Variants in ELK4 observed in about 807,000 individuals in gnomAD.
ELK4 encodes the protein ETS transcription factor ELK4.
In ELK4, 16 loss-of-function variants were observed where a neutral mutation model predicts 29.6. The ratio of observed to expected loss-of-function variants is 0.54; its 90% CI spans 0.37 to 0.82. ELK4 has a LOEUF of 0.82. ELK4 is among the 40% of genes least tolerant of loss of function. The pLI, the probability that ELK4 is intolerant of heterozygous loss-of-function variation, is 0.00. For synonymous variants in ELK4, 213 were observed against 191.1 expected, an observed-to-expected ratio of 1.11 and a Z score of -0.95; for missense variants, 465 against 507.1, an observed-to-expected ratio of 0.92 and a Z score of 0.80.
chr1:205,621,086 T>G (rs970892344), intron 2 of ELK4, among the ~76,000 whole-genome samples: 4 of 149,214 alleles, frequency 2.7e-5, no homozygotes, highest in Admixed American at 6.8e-5. Flanking sequence ...TCCCAGCTAC[T>G]CAGGAGGCCG....
rs180993423 is a variant in ELK4 at position 205,614,662 on chromosome 1, A to G, written c.*1884T>C. ...CTACTACTACTAAGTTAGCTAGCAT[A>G]GATGTCTTCTTATACAAGAGCTTCT... On this transcript the variant is annotated 3_prime_UTR_variant, in exon 5 of 5. Transcript: ENST00000357992. The G allele has an allele frequency of 4.4e-6, 1 of 225,620 alleles. No individual in the cohort carries two copies. The highest frequency in any genetic ancestry group is 2.2e-5 in the African/African-American group (1 of 45,064). The allele number at this position is 225,620 out of a possible 1,614,324, so 14.0% of individuals were successfully genotyped here.
In ELK4 at chr1:205,616,557, G is replaced by A. The variant is rs1670234678; in HGVS notation, c.1285C>T (p.Gln429Ter). The change falls in exon 5 of 5, where the codon CAG becomes TAG. Residue 429 changes from glutamine (Q) to a stop codon, truncating the protein, a stop_gained. Transcript: ENST00000357992. LOFTEE classifies it high-confidence loss of function. The part of the protein sequence containing the change: ...STPGPFSPDL[Q>*]KT ...CACAAGTGCATAGGTTATGTCTTCT[G>A]TAGGTCTGGGGAAAATGGGCCAGGG... 1.2e-6 allele frequency: 2 copies of A among 1,614,060 alleles called. No homozygotes were observed. Among genetic ancestry groups the A allele is most frequent in the African/African-American group, 1.3e-5 (1 of 75,046 alleles).
intron 1 of ELK4, among the ~76,000 whole-genome samples, chr1:205,627,737 C>A (rs937385513): frequency 1.3e-5 from 2 of 152,160 alleles, no homozygotes; most frequent in African/African-American, 2.4e-5. Flanking sequence ...GTCAACTATA[C>A]CTACTTCCAA....
At chr1:205,619,863 A>C (rs1336916081) in intron 3 of ELK4, 103 bp downstream of exon 3, 10 of 1,613,100 alleles carry the variant, frequency 6.2e-6, no homozygotes, top group Non-Finnish European at 8.5e-6. Context: ...TCTAAGACAA[A>C]CCTAAGTAAC....
At chr1:205,623,397 C>T (rs1670391323) in intron 2 of ELK4, among the ~76,000 whole-genome samples, 1 of 151,284 alleles carries the variant, frequency 6.6e-6, no homozygotes, top group African/African-American at 2.4e-5. Flanking sequence ...ACAACCTCCG[C>T]CTCCCGGGTT....
At chr1:205,619,821 G>A (rs1410450481) in intron 3 of ELK4, 145 bp downstream of exon 3, 1 of 1,565,486 alleles carries the variant, frequency 6.4e-7, no homozygotes, top group East Asian at 2.3e-5. Flanking sequence ...GAGAAATGGG[G>A]TAACTTTCAC....
rs922530933 is a variant in ELK4, at chr1:205,624,755, C to T, written c.-9-864G>A. On this transcript the variant is annotated intron_variant, in intron 1 of 4. Coordinates refer to ENST00000357992, the MANE Select transcript of ELK4 (RefSeq NM_001973.4). ...CAGTTTGTCTAACAGCATACCCGGC[C>T]TCTACCCACTAGATGCCAGTAGCAC... is the stretch of plus-strand genomic sequence containing the variant. Among the ~76,000 whole-genome samples the T allele has an allele frequency of 7.9e-5, 12 of 152,262 alleles. No homozygotes were observed. In the South Asian group the frequency reaches 2.5e-3, roughly 32 times the overall value.
rs1307437078 is a variant in ELK4, at chr1:205,612,685, AG to A, written c.*3860del. On this transcript the variant is annotated 3_prime_UTR_variant, in exon 5 of 5. Transcript: ENST00000357992. The stretch of plus-strand genomic sequence containing the variant: ...CCTTTAAGAACTTAAGAATCATAGT[AG>A]AAAGTCAGATCAGGATGAAACAATG... 4.8e-6 allele frequency: 1 copy of A among 208,930 alleles called. No homozygotes were observed. Among genetic ancestry groups the A allele is most frequent in the Admixed American group, 5.9e-5 (1 of 16,948 alleles). The allele number at this position is 208,930 out of a possible 1,614,324, so 12.9% of individuals were successfully genotyped here.
chr1:205,618,097 C>T (rs1253888048), intron 4 of ELK4, among the ~76,000 whole-genome samples: 2 of 152,028 alleles, frequency 1.3e-5, no homozygotes, highest in African/African-American at 4.8e-5. Context: ...GCCATTATAG[C>T]TCACTGCAGC....
At position 205,608,668 on chromosome 1, in the gene ELK4, T is replaced by C. The variant is rs1670107524; in HGVS notation, c.*7878A>G. On this transcript the variant is annotated 3_prime_UTR_variant, in exon 5 of 5. Transcript: ENST00000357992. Reference sequence around the variant, plus strand: ...CTAAGACGAGCTATTATTAACACTTTAACAGTTATCCATTCCTCTGGGTAG... The same window carrying C: ...CTAAGACGAGCTATTATTAACACTTCAACAGTTATCCATTCCTCTGGGTAG... 5.1e-6 allele frequency: 1 copy of C among 196,512 alleles called. No individual in the cohort carries two copies. Among genetic ancestry groups the C allele is most frequent in the Admixed American group, 6.1e-5 (1 of 16,466 alleles). 12.2% of individuals were successfully genotyped at this position (196,512 alleles called of 1,614,324 possible).
At chr1:205,627,555 T>C (rs1443910228) in intron 1 of ELK4, among the ~76,000 whole-genome samples, 5 of 152,024 alleles carry the variant, frequency 3.3e-5, no homozygotes, top group South Asian at 4.2e-4. Flanking sequence ...ATTGTGTTCA[T>C]GCTTGCACAA....
Position 205,620,163 on chromosome 1 carries a change from T to C in ELK4, c.883A>G (p.Asn295Asp). 6.2e-7 allele frequency: 1 copy of C among 1,614,222 alleles called. No homozygotes were observed. The highest frequency in any genetic ancestry group is 8.5e-7 in the Non-Finnish European group (1 of 1,180,046). Residue 295 changes from asparagine (N) to aspartate (D), a missense_variant, in exon 3 of 5, where the codon AAT becomes GAT. Physicochemically the swap from Asn to Asp is conservative, Grantham distance 23. Coordinates refer to ENST00000357992, the MANE Select transcript of ELK4 (RefSeq NM_001973.4). ...TGGTCTTTAGGCTCCAGTGACAAAT[T>C]CTCTGGAAGTTCCATTGGCTGAGAA... Reference protein sequence around the residue: ...VASQPMELPENLSLEPKDQDS... With the variant: ...VASQPMELPEDLSLEPKDQDS...
rs974824582 is a variant in ELK4 at position 205,631,868 on chromosome 1, A to AGCGGCG, written c.-252_-247dup. Reference sequence around the variant, plus strand: ...CGCCCTCCCCGCCCCCGCACGCGGCAGCGGCGGCGCGGGTCTTGGGGCCGC... The same window carrying AGCGGCG: ...CGCCCTCCCCGCCCCCGCACGCGGCAGCGGCGGCGGCGGCGCGGGTCTTGGGGCCGC... On this transcript the variant is annotated 5_prime_UTR_variant, in exon 1 of 5. Coordinates refer to ENST00000357992, the MANE Select transcript of ELK4 (RefSeq NM_001973.4). 6.8e-6 allele frequency: 1 copy of AGCGGCG among 148,048 alleles called. No homozygotes were observed. The highest frequency in any genetic ancestry group is 2.4e-5 in the African/African-American group (1 of 40,858). The allele number at this position is 148,048 out of a possible 1,614,324, so 9.2% of individuals were successfully genotyped here.
intron 2 of ELK4, 113 bp from the exon 3 acceptor site, chr1:205,620,951 C>T (rs138441928): frequency 0.037 from 45,173 of 1,208,640 alleles, 1,074 homozygotes; most frequent in Non-Finnish European, 0.042. Context: ...AATCCCAGCA[C>T]TTTGGAAGGC....
At chr1:205,631,153 A>C (rs1441457308) in intron 1 of ELK4, among the ~76,000 whole-genome samples, 2 of 152,106 alleles carry the variant, frequency 1.3e-5, no homozygotes, top group South Asian at 4.2e-4. Flanking sequence ...CGCTGGAGCG[A>C]AAGAGAAAAA....
At chr1:205,630,281 C>A (rs888130749) in intron 1 of ELK4, among the ~76,000 whole-genome samples, 2 of 152,124 alleles carry the variant, frequency 1.3e-5, no homozygotes, top group African/African-American at 4.8e-5. Context: ...TTTAACACTT[C>A]AAAGATAGAC....
intron 3 of ELK4, chr1:205,619,505 TCTA>T: frequency 9.2e-7 from 1 of 1,088,420 alleles, no homozygotes; most frequent in Non-Finnish European, 1.1e-6. Context: ...GTGTGAAAAA[TCTA>T]CTAAAATGTT....
At chr1:205,618,599 G>A (rs781408989) in intron 4 of ELK4, among the ~76,000 whole-genome samples, 103 of 152,194 alleles carry the variant, frequency 6.8e-4, no homozygotes, top group Non-Finnish European at 1.3e-3. Flanking sequence ...CAAGGTGGGC[G>A]GATCACCTGA....
At chr1:205,629,870 T>C (rs911360313) in intron 1 of ELK4, among the ~76,000 whole-genome samples, 4 of 152,080 alleles carry the variant, frequency 2.6e-5, no homozygotes, top group Admixed American at 6.6e-5. Flanking sequence ...CTAGGCAACA[T>C]GTTGAAACCC....
Sources: allele counts gnomAD v4.1 joint callset (sites outside exome capture counted in the v4.1 genomes callset), GRCh38; gene constraint gnomAD v4.1.1; transcripts MANE v1.5; gene names NCBI Gene and HGNC (gene_info 2026-07-23, HGNC 2026-07-21).